SLC10A6: variants seen among roughly 807,000 people sequenced by gnomAD.
The protein encoded by SLC10A6 is solute carrier family 10 member 6.
Under a neutral mutation model 30.0 loss-of-function variants are expected in SLC10A6, and 27 were observed. The ratio of observed to expected loss-of-function variants is 0.90; its 90% CI spans 0.66 to 1.24. The LOEUF (loss-of-function observed/expected upper bound fraction) is 1.24, where lower values mean the gene tolerates loss of function less well. Ranked by LOEUF, SLC10A6 falls within the 50% of genes most tolerant of loss-of-function variation. The pLI, the probability that SLC10A6 is intolerant of heterozygous loss-of-function variation, is 0.00. For missense variants in SLC10A6, 439 were observed against 457.0 expected (o/e 0.96, Z 0.36); for synonymous variants, 166 against 173.8 (o/e 0.95, Z 0.36).
chr4:86,832,505 G>T (rs760008601), intron 2 of SLC10A6, among the ~76,000 whole-genome samples: 2 of 151,910 alleles, frequency 1.3e-5, no homozygotes, highest in African/African-American at 2.4e-5. Flanking sequence ...TACTCGGAAG[G>T]CTGAGGCAGG....
intron 1 of SLC10A6, among the ~76,000 whole-genome samples, chr4:86,836,753 G>GGTTTT (rs1249033192): frequency 4.0e-5 from 6 of 151,858 alleles, no homozygotes; most frequent in Admixed American, 2.0e-4. Context: ...GATTTTTTGG[G>GGTTTT]GTTTTGTTTT....
At chr4:86,842,786 TTTTCTTTCTTTCTTTCTTTCTTTCTTTC>T (rs757772118) in intron 1 of SLC10A6, among the ~76,000 whole-genome samples, 4,643 of 106,644 alleles carry the variant, frequency 0.044, 443 homozygotes, top group South Asian at 0.068. Flanking sequence ...TGGACACCTC[TTTTCTTTCTTTCTTTCTTTCTTTCTTTC>T]TTTCTTTCTT....
intron 5 of SLC10A6, among the ~76,000 whole-genome samples, chr4:86,825,138 C>T (rs1560457436): frequency 6.6e-6 from 1 of 152,182 alleles, no homozygotes; most frequent in Non-Finnish European, 1.5e-5. Flanking sequence ...CTTGTCTTAA[C>T]AAGTTACGAA....
chr4:86,832,770 T>A (rs948503902), intron 2 of SLC10A6, among the ~76,000 whole-genome samples: 5 of 152,072 alleles, frequency 3.3e-5, no homozygotes, highest in Admixed American at 6.6e-5. Flanking sequence ...GAAAGAGATA[T>A]GGGTGAGACT....
chr4:86,837,346 G>GAAGT (rs1746219782), intron 1 of SLC10A6, among the ~76,000 whole-genome samples: 1 of 146,396 alleles, frequency 6.8e-6, no homozygotes, highest in Non-Finnish European at 1.5e-5. Flanking sequence ...AGGAAGGAAG[G>GAAGT]CAGGCAGGCA....
At chr4:86,835,869 A>G (rs1746176577) in intron 1 of SLC10A6, among the ~76,000 whole-genome samples, 2 of 152,308 alleles carry the variant, frequency 1.3e-5, no homozygotes, top group South Asian at 2.1e-4. Flanking sequence ...TGTGATATAC[A>G]AAAAAGCTGA....
At chr4:86,828,834 T>C (rs551887236) in intron 3 of SLC10A6, among the ~76,000 whole-genome samples, 1 of 152,252 alleles carries the variant, frequency 6.6e-6, no homozygotes, top group South Asian at 2.1e-4. Flanking sequence ...GTTTGAGATT[T>C]AGATAAAATA....
intron 2 of SLC10A6, 104 bp downstream of exon 2, chr4:86,833,202 A>T (rs1746114761): frequency 1.2e-6 from 1 of 863,540 alleles, no homozygotes; most frequent in African/African-American, 1.7e-5. Context: ...TAAATTAAGT[A>T]CTACCAAAAA....
intron 4 of SLC10A6, among the ~76,000 whole-genome samples, chr4:86,827,762 T>TA (rs1384622680): frequency 6.6e-6 from 1 of 152,206 alleles, no homozygotes; most frequent in Non-Finnish European, 1.5e-5. Context: ...TTTTTTAACT[T>TA]AAATTTATCT....
At chr4:86,825,678 C>A in intron 4 of SLC10A6, 101 bp from the exon 5 acceptor site, 2 of 1,244,534 alleles carry the variant, frequency 1.6e-6, no homozygotes, top group East Asian at 2.5e-5. Flanking sequence ...TGACCTCAGG[C>A]CACTGAAAAT....
intron 1 of SLC10A6, 74 bp from the exon 2 acceptor site, chr4:86,833,498 T>C: frequency 1.9e-6 from 2 of 1,073,060 alleles, no homozygotes; most frequent in Non-Finnish European, 2.9e-6. Flanking sequence ...CAAAAGCAAC[T>C]CCTAGGACAC....
chr4:86,840,238 G>C (rs567217348), intron 1 of SLC10A6, among the ~76,000 whole-genome samples: 6 of 152,172 alleles, frequency 3.9e-5, no homozygotes, highest in African/African-American at 1.4e-4. Context: ...GATTCTATCA[G>C]GTTGTGCTTT....
chr4:86,848,009 C>T (rs1267410971), intron 1 of SLC10A6, among the ~76,000 whole-genome samples: 1 of 152,138 alleles, frequency 6.6e-6, no homozygotes, highest in Non-Finnish European at 1.5e-5. Context: ...AATTCATCCT[C>T]ATTAAAGTGT....
Position 86,837,615 on chromosome 4 carries a change from C to G in SLC10A6, c.378-4191G>C, listed in dbSNP as rs185798782. Reference sequence around the variant, plus strand: ...TCCATCCCAAATCTATTCTTTCCATCTCAGTCTCACTCCCAAATCGCAAGT... The same window carrying G: ...TCCATCCCAAATCTATTCTTTCCATGTCAGTCTCACTCCCAAATCGCAAGT... On this transcript the variant is annotated intron_variant, in intron 1 of 5. Coordinates refer to ENST00000273905, the MANE Select transcript of SLC10A6 (RefSeq NM_197965.3). The G allele has an allele frequency of 1.8e-4, 180 of 985,382 alleles. No individual in the cohort carries two copies. In the African/African-American group the frequency reaches 2.7e-3, roughly 15 times the overall value. 61.0% of individuals were successfully genotyped at this position (985,382 alleles called of 1,614,324 possible).
At chr4:86,830,067 C>T (rs1483410928) in intron 3 of SLC10A6, among the ~76,000 whole-genome samples, 3 of 152,174 alleles carry the variant, frequency 2.0e-5, no homozygotes, top group Admixed American at 6.5e-5. Flanking sequence ...AACTACCACA[C>T]TGGAAATTTT....
chr4:86,848,572 A>G (rs141803260), intron 1 of SLC10A6, among the ~76,000 whole-genome samples, 167 bp downstream of exon 1: 1 of 152,340 alleles, frequency 6.6e-6, no homozygotes, highest in East Asian at 1.9e-4. Context: ...ACTTTTGAGC[A>G]CTGAAAGGAA....
At chr4:86,833,206 C>T (rs1402981259) in intron 2 of SLC10A6, 100 bp downstream of exon 2, 1 of 926,700 alleles carries the variant, frequency 1.1e-6, no homozygotes, top group Non-Finnish European at 1.7e-6. Flanking sequence ...TTAAGTACTA[C>T]CAAAAAAATC....
chr4:86,842,786 T>TTTCTTTC, intron 1 of SLC10A6, among the ~76,000 whole-genome samples: 1 of 106,696 alleles, frequency 9.4e-6, no homozygotes, highest in Non-Finnish European at 1.9e-5. Context: ...TGGACACCTC[T>TTTCTTTC]TTTCTTTCTT....
chr4:86,827,795 C>T (rs1430802834), intron 4 of SLC10A6, among the ~76,000 whole-genome samples, 198 bp downstream of exon 4: 1 of 152,074 alleles, frequency 6.6e-6, no homozygotes, highest in Non-Finnish European at 1.5e-5. Context: ...TTGGCCTTTG[C>T]TTTAATTTAC....
Sources: gnomAD v4.1 joint callset for allele counts (sites outside exome capture counted in the v4.1 genomes callset) on GRCh38, gnomAD v4.1.1 for gene constraint, MANE v1.5 for transcripts, NCBI Gene and HGNC (gene_info 2026-07-23, HGNC 2026-07-21) for gene names.